BSX: variants seen among roughly 807,000 people sequenced by gnomAD.
The protein encoded by BSX is brain-specific homeobox protein homolog.
A neutral mutation model predicts 16.9 loss-of-function variants in BSX; 12 were observed. The observed-to-expected ratio is 0.71, with a 90% CI of 0.46 to 1.15. The LOEUF (loss-of-function observed/expected upper bound fraction) is 1.15. BSX is among the 50% of genes most tolerant of loss of function. BSX has a pLI of 0.00. For missense variants in BSX, 292 were observed against 311.8 expected, an observed-to-expected ratio of 0.94 and a Z score of 0.48; for synonymous variants, 160 against 136.4, an observed-to-expected ratio of 1.17 and a Z score of -1.20.
chr11:122,979,376 G>C lies in BSX; in HGVS notation c.344C>G (p.Thr115Arg). The change falls in exon 2 of 3, where the codon ACG becomes AGG. Residue 115 changes from threonine (T) to arginine (R), a missense_variant. Around this residue, in one of 3 missense-constraint regions of BSX, gnomAD observed 176 missense variants for 187.2 expected, o/e 0.94. Coordinates refer to ENST00000343035, the MANE Select transcript of BSX (RefSeq NM_001098169.2). ...CGAGAGCTGCGAGTCAGAGAAAACC[G>C]TGCGGGCTTTGCGGCGGCGGCAGTG... ...GKHCRRRKAR[T>R]VFSDSQLSGL... 1 of 1,614,114 alleles carries C rather than the reference G, an allele frequency of 6.2e-7. No homozygotes were observed. The highest frequency in any genetic ancestry group is 8.5e-7 in the Non-Finnish European group (1 of 1,180,006).
intron 1 of BSX, 66 bp from the exon 2 acceptor site, chr11:122,979,523 C>T (rs1864542537): frequency 7.3e-7 from 1 of 1,373,998 alleles, no homozygotes; most frequent in African/African-American, 1.4e-5. Flanking sequence ...CCGCTCCGCT[C>T]CCCTCCCCTC....
chr11:122,979,520 G>A, intron 1 of BSX, 63 bp from the exon 2 acceptor site: 1 of 1,450,522 alleles, frequency 6.9e-7, no homozygotes, highest in Non-Finnish European at 9.4e-7. Flanking sequence ...TCTCCGCTCC[G>A]CTCCCCTCCC....
chr11:122,979,710 T>C (rs1864545675), intron 1 of BSX, among the ~76,000 whole-genome samples: 1 of 151,126 alleles, frequency 6.6e-6, no homozygotes, highest in East Asian at 1.9e-4. Context: ...CAACAAACAG[T>C]AAATAAAACA....
In BSX at chr11:122,981,605, C is replaced by T. The variant is rs1864573330; in HGVS notation, c.67G>A (p.Glu23Lys). The change falls in exon 1 of 3, where the codon GAG (glutamate) becomes AAG (lysine). Residue 23 changes from glutamate (E) to lysine (K), a missense_variant. Glu to Lys is a moderately conservative substitution (Grantham distance 56). Coordinates refer to ENST00000343035, the MANE Select transcript of BSX (RefSeq NM_001098169.2). Reference sequence around the variant, plus strand: ...TTGGGCTTGTGCAGCAGGATGTCCTCGATGAAGAAGGATGTGGGCCTCTGA... The same window carrying T: ...TTGGGCTTGTGCAGCAGGATGTCCTTGATGAAGAAGGATGTGGGCCTCTGA... Reference protein sequence around the residue: ...SSQRPTSFFIEDILLHKPKPL... With the variant: ...SSQRPTSFFIKDILLHKPKPL... 2 of 1,598,934 alleles carry T rather than the reference C, an allele frequency of 1.3e-6. No individual in the cohort carries two copies. Among genetic ancestry groups the T allele is most frequent in the Non-Finnish European group, 1.7e-6 (2 of 1,173,092 alleles).
chr11:122,981,583 G>C lies in BSX; in HGVS notation c.89C>G (p.Pro30Arg), dbSNP rs752446127. Residue 30 changes from proline (P) to arginine (R), a missense_variant, in exon 1 of 3, where the codon CCC becomes CGC. Physicochemically the swap from Pro to Arg is moderately radical, Grantham distance 103 (BLOSUM62 -2). Coordinates refer to ENST00000343035, the MANE Select transcript of BSX (RefSeq NM_001098169.2). ...TGGGGCCACCTCTCTCAGCGGCTTG[G>C]GCTTGTGCAGCAGGATGTCCTCGAT... ...FFIEDILLHK[P>R]KPLREVAPDH... 1.3e-6 allele frequency: 2 copies of C among 1,599,230 alleles called. No individual in the cohort carries two copies. Among genetic ancestry groups the C allele is most frequent in the Non-Finnish European group, 1.7e-6 (2 of 1,173,238 alleles).
intron 2 of BSX, 125 bp from the exon 3 acceptor site, chr11:122,978,016 T>C: frequency 5.3e-6 from 6 of 1,128,264 alleles, no homozygotes; most frequent in Non-Finnish European, 7.8e-6. Context: ...CCTCAACTGC[T>C]CATAAGTTAT....
chr11:122,977,590 G>A lies in BSX; in HGVS notation c.*59C>T. 1.3e-6 allele frequency: 2 copies of A among 1,545,516 alleles called. No individual in the cohort carries two copies. Among genetic ancestry groups the A allele is most frequent in the African/African-American group, 1.4e-5 (1 of 72,974 alleles). ...AGTCTGAGTCTTCCGGTCCAGGAGG[G>A]AACCGCGCTCGGCCCCGCAGTCTCC... is the stretch of plus-strand genomic sequence containing the variant. On this transcript the variant is annotated 3_prime_UTR_variant, in exon 3 of 3. Transcript: ENST00000343035. The surrounding 1 kb of genome is among the most constrained non-coding windows in gnomAD (Gnocchi z 4.5).
intron 2 of BSX, among the ~76,000 whole-genome samples, 163 bp downstream of exon 2, chr11:122,979,098 C>G (rs1018676325): frequency 6.6e-6 from 1 of 152,112 alleles, no homozygotes; most frequent in Non-Finnish European, 1.5e-5. Context: ...GCCACCGCGC[C>G]CGGCCAGGTG....
At chr11:122,978,725 C>G (rs1280072186) in intron 2 of BSX, among the ~76,000 whole-genome samples, 1 of 149,170 alleles carries the variant, frequency 6.7e-6, no homozygotes, top group Non-Finnish European at 1.5e-5. Flanking sequence ...GAGCCCCGCT[C>G]GAGAAATTTT....
At chr11:122,979,486 A>T (rs550763089) in intron 1 of BSX, 29 bp from the exon 2 acceptor site, 2 of 1,584,042 alleles carry the variant, frequency 1.3e-6, no homozygotes, top group African/African-American at 2.7e-5. Flanking sequence ...CCAAGTGGGC[A>T]GAGCGTGGGT....
intron 1 of BSX, among the ~76,000 whole-genome samples, 191 bp from the exon 2 acceptor site, chr11:122,979,648 G>T (rs1322235577): frequency 1.4e-5 from 2 of 147,582 alleles, no homozygotes; most frequent in Admixed American, 6.7e-5. Context: ...AAAAAAAGCC[G>T]CAAGAATAGC....
In BSX at chr11:122,977,947, G is replaced by C; in HGVS notation, c.460-56C>G. The C allele has an allele frequency of 6.2e-7, 1 of 1,603,394 alleles. No individual in the cohort carries two copies. Among genetic ancestry groups the C allele is most frequent in the Admixed American group, 1.7e-5 (1 of 59,506 alleles). ...GTCATTCCTCCAAATCTGAGCCATC[G>C]CTGGGGTTTAGGAAAATGGGCTGCA... is the stretch of plus-strand genomic sequence containing the variant. On this transcript the variant is annotated intron_variant, in intron 2 of 2. Transcript: ENST00000343035. This position sits in a 1 kb window ranked among gnomAD's most constrained non-coding sequence, Gnocchi z 4.5.
At chr11:122,980,665 C>T (rs535495338) in intron 1 of BSX, among the ~76,000 whole-genome samples, 2 of 152,330 alleles carry the variant, frequency 1.3e-5, no homozygotes, top group South Asian at 4.1e-4. Flanking sequence ...AGTATTTCCC[C>T]ACATCCTCCT....
At chr11:122,981,172 C>T (rs1864563672) in intron 1 of BSX, among the ~76,000 whole-genome samples, 1 of 152,198 alleles carries the variant, frequency 6.6e-6, no homozygotes, top group Admixed American at 6.5e-5. Context: ...GACCAGGCAC[C>T]TATCCTCCGC....
intron 1 of BSX, 135 bp from the exon 2 acceptor site, chr11:122,979,592 C>T (rs1282983751): frequency 3.8e-5 from 24 of 636,566 alleles, no homozygotes; most frequent in Non-Finnish European, 5.1e-5. Context: ...CGCCCCAAAG[C>T]CCCTCAAGCC....
At position 122,981,610 on chromosome 11, in the gene BSX, A is replaced by G. The variant is rs1401359393; in HGVS notation, c.62T>C (p.Phe21Ser). The G allele has an allele frequency of 6.3e-7, 1 of 1,599,564 alleles. No homozygotes were observed. Among genetic ancestry groups the G allele is most frequent in the Non-Finnish European group, 8.5e-7 (1 of 1,173,332 alleles). The stretch of plus-strand genomic sequence containing the variant: ...CTTGTGCAGCAGGATGTCCTCGATG[A>G]AGAAGGATGTGGGCCTCTGAGAAGA... ...PASSQRPTSF[F>S]IEDILLHKPK... Residue 21 changes from phenylalanine to serine, a missense_variant, in exon 1 of 3, where the codon TTC becomes TCC. Physicochemically the swap from Phe to Ser is radical, Grantham distance 155. Coordinates refer to ENST00000343035, the MANE Select transcript of BSX (RefSeq NM_001098169.2).
In BSX at chr11:122,981,481, AG is replaced by A; in HGVS notation, c.190del (p.Leu64SerfsTer91). The A allele has an allele frequency of 6.3e-7, 1 of 1,581,994 alleles. No homozygotes were observed. Among genetic ancestry groups the A allele is most frequent in the Non-Finnish European group, 8.6e-7 (1 of 1,163,810 alleles). On this transcript the variant is annotated frameshift_variant, in exon 1 of 3. Transcript: ENST00000343035. LOFTEE classifies it high-confidence loss of function. ...AGGGTGATGGGCGTGAGGAGCCAAG[AG>A]GGTGGGTGTGGGCATGAGGGGGTAG... ...YGYPLMPTPT[L>X]LAPHAHHPLH...
At chr11:122,979,892 C>A (rs558830906) in intron 1 of BSX, among the ~76,000 whole-genome samples, 1 of 152,128 alleles carries the variant, frequency 6.6e-6, no homozygotes, top group African/African-American at 2.4e-5. Flanking sequence ...CTCCTAGACC[C>A]CTGATGACAC....
At position 122,981,733 on chromosome 11, in the gene BSX, C is replaced by A. The variant is rs984667432; in HGVS notation, c.-62G>T. 6.8e-7 allele frequency: 1 copy of A among 1,470,676 alleles called. No homozygotes were observed. Among genetic ancestry groups the A allele is most frequent in the Non-Finnish European group, 9.0e-7 (1 of 1,106,070 alleles). 91.1% of individuals were successfully genotyped at this position (1,470,676 alleles called of 1,614,324 possible). A position where few individuals can be genotyped will look rare whatever the true frequency, so the allele number is the denominator to read the frequency against. ...ACGAAGTGGAGGACGCAGGCAGAGT[C>A]TCCAAGCCTGCTCGAAAGCCGGCAA... is the stretch of plus-strand genomic sequence containing the variant. On this transcript the variant is annotated 5_prime_UTR_variant, in exon 1 of 3. Coordinates refer to ENST00000343035, the MANE Select transcript of BSX (RefSeq NM_001098169.2).
Sources: gnomAD v4.1 joint callset for allele counts (sites outside exome capture counted in the v4.1 genomes callset) on GRCh38, gnomAD v4.1.1 for gene constraint, gnomAD v4.1.1 regional missense constraint, Gnocchi (gnomAD v3.1) non-coding constraint, MANE v1.5 for transcripts, NCBI Gene and HGNC (gene_info 2026-07-23, HGNC 2026-07-21) for gene names.